Variants in GASK1A observed in about 807,000 individuals in gnomAD.
GASK1A encodes the protein Golgi-associated kinase 1A.
In GASK1A, 40 loss-of-function variants were observed where a neutral mutation model predicts 41.2. The observed-to-expected ratio is 0.97, with a 90% CI of 0.75 to 1.27. The LOEUF (loss-of-function observed/expected upper bound fraction) is 1.27. Ranked by LOEUF, GASK1A falls within the 50% of genes most tolerant of loss-of-function variation. GASK1A has a pLI of 0.00. For synonymous variants in GASK1A, 316 were observed against 307.1 expected (o/e 1.03, Z -0.30); for missense variants, 678 against 745.1 (o/e 0.91, Z 1.05).
chr3:43,055,777 G>A (rs2089713153), intron 4 of GASK1A: 2 of 516,368 alleles, frequency 3.9e-6, no homozygotes, highest in East Asian at 3.5e-5. Context: ...TATTGCTGGG[G>A]TGTGGGAAGG....
intron 2 of GASK1A, among the ~76,000 whole-genome samples, chr3:43,050,206 C>T (rs1448163519): frequency 6.6e-6 from 1 of 152,118 alleles, no homozygotes; most frequent in African/African-American, 2.4e-5. Flanking sequence ...GTAGAAGAAG[C>T]CTGCTGACAA....
intron 2 of GASK1A, among the ~76,000 whole-genome samples, chr3:43,053,263 G>A (rs1237275625): frequency 6.6e-6 from 1 of 152,260 alleles, no homozygotes; most frequent in African/African-American, 2.4e-5. Context: ...CAACAGTGTA[G>A]GTTAAGCTGT....
intron 1 of GASK1A, among the ~76,000 whole-genome samples, chr3:43,009,302 A>G (rs182322981): frequency 9.8e-5 from 15 of 152,336 alleles, no homozygotes; most frequent in Admixed American, 4.6e-4. Flanking sequence ...CTCAGCTGGT[A>G]TCAGGAACCC....
At chr3:42,986,869 C>A (rs1380335442) in intron 1 of GASK1A, among the ~76,000 whole-genome samples, 1 of 152,132 alleles carries the variant, frequency 6.6e-6, no homozygotes, top group Non-Finnish European at 1.5e-5. Context: ...GCAGGAGAAC[C>A]TCCAGCCCTT....
chr3:43,031,045 T>C (rs2125685993), intron 1 of GASK1A, among the ~76,000 whole-genome samples: 1 of 152,344 alleles, frequency 6.6e-6, no homozygotes, highest in Middle Eastern at 3.4e-3. Context: ...CCGTGTGCCT[T>C]TTCTGTGCAT....
In GASK1A at chr3:43,052,212, C is replaced by G. The variant is rs78089665; in HGVS notation, c.1291-1309C>G. ...GATGGACTCTTTCTGTTTCATGTGC[C>G]GTGAGCACTACCTTGACTTGCCCCA... On this transcript the variant is annotated intron_variant, in intron 2 of 4. Transcript: ENST00000430121. Among the ~76,000 whole-genome samples, 1,072 of 152,228 alleles carry G rather than the reference C, an allele frequency of 7.0e-3. 10 individuals are homozygous for G. Among genetic ancestry groups the G allele is most frequent in the African/African-American group, 0.025 (1,024 of 41,528 alleles).
chr3:43,050,340 T>C (rs2089683348), intron 2 of GASK1A, among the ~76,000 whole-genome samples: 1 of 152,220 alleles, frequency 6.6e-6, no homozygotes, highest in African/African-American at 2.4e-5. Context: ...TTCAACACTT[T>C]GAATGTTATT....
chr3:42,988,257 C>T (rs891171214), intron 1 of GASK1A, among the ~76,000 whole-genome samples: 4 of 152,060 alleles, frequency 2.6e-5, no homozygotes, highest in African/African-American at 4.8e-5. Context: ...GCTAAGTGGC[C>T]GCGGGAAGGG....
intron 2 of GASK1A, among the ~76,000 whole-genome samples, chr3:43,046,593 A>G (rs2089663803): frequency 6.6e-6 from 1 of 152,174 alleles, no homozygotes; most frequent in African/African-American, 2.4e-5. Flanking sequence ...GAAATGAAAA[A>G]CCCATTTTCT....
At chr3:43,013,203 G>T (rs1410149101) in intron 1 of GASK1A, among the ~76,000 whole-genome samples, 1 of 151,972 alleles carries the variant, frequency 6.6e-6, no homozygotes, top group Non-Finnish European at 1.5e-5. Context: ...ACTGGAAGGG[G>T]CAGTGAGAAG....
Position 43,033,026 on chromosome 3 carries a change from G to C in GASK1A, c.763G>C (p.Gly255Arg). Reference protein sequence around the residue: ...ETLLSSSRTGGQAPPWLTDHD... With the variant: ...ETLLSSSRTGRQAPPWLTDHD... ...GCTGTTGAGCAGCTCGAGGACTGGT[G>C]GGCAGGCTCCCCCATGGCTGACAGA... is the stretch of plus-strand genomic sequence containing the variant. The change falls in exon 2 of 5, where the codon GGG becomes CGG. Residue 255 changes from glycine (G) to arginine (R), a missense_variant. Gly to Arg is a moderately radical substitution (Grantham distance 125). Transcript: ENST00000430121. 1 of 1,551,734 alleles carries C rather than the reference G, an allele frequency of 6.4e-7. No homozygotes were observed. The highest frequency in any genetic ancestry group is 8.7e-7 in the Non-Finnish European group (1 of 1,147,010).
intron 1 of GASK1A, among the ~76,000 whole-genome samples, chr3:42,992,730 T>C (rs2089347728): frequency 6.6e-6 from 1 of 152,106 alleles, no homozygotes; most frequent in Non-Finnish European, 1.5e-5. Context: ...TGATCTGGGG[T>C]CCAAGCATGT....
intron 2 of GASK1A, among the ~76,000 whole-genome samples, chr3:43,038,509 T>C (rs2089616075): frequency 1.3e-5 from 2 of 152,180 alleles, no homozygotes; most frequent in Non-Finnish European, 2.9e-5. Context: ...CACTGGTGTA[T>C]TCACTGCTTT....
intron 1 of GASK1A, among the ~76,000 whole-genome samples, chr3:43,017,880 A>G (rs914755704): frequency 2.0e-5 from 3 of 152,092 alleles, no homozygotes; most frequent in Non-Finnish European, 2.9e-5. Flanking sequence ...GTGCGAAGCC[A>G]CAGGAAGGGC....
chr3:43,055,686 C>T lies in GASK1A; in HGVS notation c.1517+151C>T, dbSNP rs183922865. 3.0e-4 allele frequency: 191 copies of T among 630,084 alleles called. 1 individual carries two copies. The East Asian group carries it at 4.8e-3, about 16-fold the overall frequency. The allele number at this position is 630,084 out of a possible 1,614,324, so 39.0% of individuals were successfully genotyped here. A position where few individuals can be genotyped will look rare whatever the true frequency, so the allele number is the denominator to read the frequency against. On this transcript the variant is annotated intron_variant, in intron 4 of 4. Coordinates refer to ENST00000430121, the MANE Select transcript of GASK1A (RefSeq NM_001129908.3). ...AGAACTTTAGGCGGTGGTGGGGAGC[C>T]CTGGGAAAGCTGAGAGGGGATACAG...
At chr3:42,991,541 C>A (rs1234969951) in intron 1 of GASK1A, among the ~76,000 whole-genome samples, 1 of 152,206 alleles carries the variant, frequency 6.6e-6, no homozygotes, top group African/African-American at 2.4e-5. Context: ...AGAGCAGCTG[C>A]AGAGGTGCTG....
chr3:43,020,422 A>C (rs1338171875), intron 1 of GASK1A, among the ~76,000 whole-genome samples: 1 of 152,164 alleles, frequency 6.6e-6, no homozygotes, highest in Non-Finnish European at 1.5e-5. Context: ...TAAGTCTGTG[A>C]CTGGGTTGCA....
chr3:43,019,798 A>G (rs1250661796), intron 1 of GASK1A, among the ~76,000 whole-genome samples: 1 of 151,720 alleles, frequency 6.6e-6, no homozygotes, highest in Non-Finnish European at 1.5e-5. Flanking sequence ...ACCCCATCAC[A>G]TGGCTTCCCT....
At chr3:43,042,236 A>G (rs1349358052) in intron 2 of GASK1A, among the ~76,000 whole-genome samples, 1 of 151,414 alleles carries the variant, frequency 6.6e-6, no homozygotes, top group African/African-American at 2.4e-5. Flanking sequence ...TGAGTGGGCC[A>G]GGTGGGAGGA....
Sources: allele counts gnomAD v4.1 joint callset (sites outside exome capture counted in the v4.1 genomes callset), GRCh38; gene constraint gnomAD v4.1.1; transcripts MANE v1.5; gene names NCBI Gene and HGNC (gene_info 2026-07-23, HGNC 2026-07-21).